Variants in KCNMA1 observed in about 807,000 individuals in gnomAD.
KCNMA1 encodes potassium calcium-activated channel subfamily M alpha 1.
Under a neutral mutation model 140.0 loss-of-function variants are expected in KCNMA1, and 29 were observed. The ratio of observed to expected loss-of-function variants is 0.21; its 90% confidence interval spans 0.15 to 0.28. The LOEUF (loss-of-function observed/expected upper bound fraction) is 0.28, where lower values mean the gene tolerates loss of function less well. Among genes scored for constraint, KCNMA1 ranks in the 10% least tolerant of loss-of-function variants. The probability of loss-of-function intolerance (pLI) is 1.00; values close to 1 mark genes in which losing one functional copy is unlikely to be tolerated. For synonymous variants in KCNMA1, 612 were observed against 611.9 expected, an observed-to-expected ratio of 1.00 and a Z score of 0.00; for missense variants, 880 against 1,602.2, an observed-to-expected ratio of 0.55 and a Z score of 7.70.
chr10:77,021,211 T>C (rs2092801235), intron 16 of KCNMA1: 1 of 152,204 alleles, frequency 6.6e-6, no homozygotes, highest in African/African-American at 2.4e-5. Flanking sequence ...ATGCACTGGC[T>C]TTGCAAATGC....
At chr10:77,021,666 G>A (rs957518550) in intron 16 of KCNMA1, among the ~76,000 whole-genome samples, 4 of 152,190 alleles carry the variant, frequency 2.6e-5, no homozygotes, top group Non-Finnish European at 5.9e-5. Context: ...GTAAGGAATC[G>A]AAAGCATCTC....
At chr10:77,307,684 C>T (rs1225746625) in intron 2 of KCNMA1, among the ~76,000 whole-genome samples, 2 of 152,072 alleles carry the variant, frequency 1.3e-5, no homozygotes, top group Non-Finnish European at 2.9e-5. Flanking sequence ...GTAGCTGGGA[C>T]TACAGGCGCG....
chr10:77,146,947 C>T (rs2098313546), intron 5 of KCNMA1, among the ~76,000 whole-genome samples: 1 of 152,074 alleles, frequency 6.6e-6, no homozygotes, highest in South Asian at 2.1e-4. Context: ...AGTCATTTAT[C>T]CCTCAGTTAG....
At chr10:77,184,739 G>A (rs1033787297) in intron 4 of KCNMA1, 84 bp downstream of exon 4, 41 of 886,236 alleles carry the variant, frequency 4.6e-5, no homozygotes, top group Non-Finnish European at 7.5e-5. Flanking sequence ...TCTTGACTGC[G>A]AGAGCAGAGG....
At chr10:77,217,697 T>C (rs1394398802) in intron 3 of KCNMA1, 1 of 334,734 alleles carries the variant, frequency 3.0e-6, no homozygotes, top group Non-Finnish European at 6.1e-6. Context: ...TTGAAAATTA[T>C]GTGTAGATCA....
At chr10:77,117,493 G>A (rs926990944) in intron 6 of KCNMA1, among the ~76,000 whole-genome samples, 2 of 123,328 alleles carry the variant, frequency 1.6e-5, no homozygotes, top group African/African-American at 3.1e-5. Flanking sequence ...AGGTTGCAGT[G>A]AGCTGAGATC....
At chr10:77,061,024 T>C (rs1472288767) in intron 14 of KCNMA1, among the ~76,000 whole-genome samples, 1 of 152,180 alleles carries the variant, frequency 6.6e-6, no homozygotes, top group Non-Finnish European at 1.5e-5. Context: ...GGAAAAAAAC[T>C]TGTGATATTT....
intron 5 of KCNMA1, among the ~76,000 whole-genome samples, chr10:77,172,806 T>C (rs1037207421): frequency 3.3e-5 from 5 of 152,056 alleles, no homozygotes; most frequent in African/African-American, 1.2e-4. Flanking sequence ...AATTGATTGC[T>C]CACAGTTCTA....
intron 2 of KCNMA1, among the ~76,000 whole-genome samples, chr10:77,283,787 G>A (rs1374919900): frequency 2.0e-5 from 3 of 152,180 alleles, no homozygotes; most frequent in African/African-American, 4.8e-5. Context: ...CAGTTAATGG[G>A]GGAGACAGGT....
intron 13 of KCNMA1, among the ~76,000 whole-genome samples, chr10:77,078,688 T>G (rs1361544726): frequency 6.6e-6 from 1 of 152,200 alleles, no homozygotes; most frequent in East Asian, 1.9e-4. Flanking sequence ...ATTCTACACC[T>G]TAACTGCTAA....
chr10:76,933,028 G>A (rs1216317645), intron 23 of KCNMA1, among the ~76,000 whole-genome samples: 1 of 152,108 alleles, frequency 6.6e-6, no homozygotes, highest in Non-Finnish European at 1.5e-5. Flanking sequence ...AAAGGTTAAG[G>A]GAATAGTACA....
intron 9 of KCNMA1, among the ~76,000 whole-genome samples, chr10:77,107,654 G>T (rs930054877): frequency 6.6e-6 from 1 of 152,132 alleles, no homozygotes; most frequent in Non-Finnish European, 1.5e-5. Context: ...AATAGTTCCC[G>T]AGAAGAAAGC....
At chr10:77,184,182 A>G (rs2098827312) in intron 4 of KCNMA1, among the ~76,000 whole-genome samples, 2 of 151,946 alleles carry the variant, frequency 1.3e-5, no homozygotes, top group African/African-American at 4.8e-5. Context: ...GCTAAACGTA[A>G]TTTTAAGAGC....
intron 14 of KCNMA1, among the ~76,000 whole-genome samples, chr10:77,072,281 C>A (rs1022077006): frequency 1.3e-5 from 2 of 152,208 alleles, no homozygotes; most frequent in Non-Finnish European, 2.9e-5. Context: ...ACCTTGACTG[C>A]CTAATCTAAG....
chr10:77,490,200 C>T (rs547931931), intron 1 of KCNMA1, among the ~76,000 whole-genome samples: 2 of 152,132 alleles, frequency 1.3e-5, no homozygotes, highest in Non-Finnish European at 2.9e-5. Context: ...TTTTAACAGT[C>T]GAGAATTATT....
At chr10:77,589,424 A>G (rs1199101091) in intron 1 of KCNMA1, among the ~76,000 whole-genome samples, 1 of 152,108 alleles carries the variant, frequency 6.6e-6, no homozygotes, top group African/African-American at 2.4e-5. Context: ...TGCACAAACA[A>G]CGTGGCCTCT....
chr10:77,431,514 C>T (rs1162346503), intron 1 of KCNMA1, among the ~76,000 whole-genome samples: 2 of 151,946 alleles, frequency 1.3e-5, no homozygotes, highest in African/African-American at 4.8e-5. Context: ...GAGGGCAGAC[C>T]TGGGGCCCCC....
Position 76,886,930 on chromosome 10 carries a change from C to T in KCNMA1, c.*336G>A, listed in dbSNP as rs1002327996. The T allele has an allele frequency of 4.3e-6, 5 of 1,162,436 alleles. No individual in the cohort carries two copies. In the African/African-American group the frequency reaches 8.0e-5, roughly 19 times the overall value. 72.0% of individuals were successfully genotyped at this position (1,162,436 alleles called of 1,614,324 possible). On this transcript the variant is annotated 3_prime_UTR_variant, in exon 28 of 28. Transcript: ENST00000286628. ...TTTTCTTTTACATTAAATAAACTTG[C>T]TCTGCCTAACTGACGTTGATCACAA...
chr10:76,995,087 G>C (rs910531766), intron 19 of KCNMA1, among the ~76,000 whole-genome samples: 3 of 152,152 alleles, frequency 2.0e-5, no homozygotes, highest in South Asian at 4.1e-4. Context: ...CCACAGACAC[G>C]TGATAGCAAT....
Sources: allele counts gnomAD v4.1 joint callset (sites outside exome capture counted in the v4.1 genomes callset), GRCh38; gene constraint gnomAD v4.1.1; transcripts MANE v1.5; gene names NCBI Gene and HGNC (gene_info 2026-07-23, HGNC 2026-07-21).